The following CDH13 variants were observed in gnomAD, a reference collection of about 807,000 sequenced individuals.
CDH13 encodes cadherin-13.
Under a neutral mutation model 63.8 loss-of-function variants are expected in CDH13, and 24 were observed. The ratio of observed to expected loss-of-function variants is 0.38; its 90% CI spans 0.27 to 0.53. The LOEUF is 0.53. Ranked by LOEUF, CDH13 falls within the 20% of genes least tolerant of loss-of-function variation. The pLI is 0.85. For synonymous variants in CDH13, 503 were observed against 355.3 expected, an observed-to-expected ratio of 1.42 and a Z score of -4.67; for missense variants, 1,049 against 903.1, an observed-to-expected ratio of 1.16 and a Z score of -2.07.
chr16:83,383,230 A>G (rs1654694998), intron 6 of CDH13: 2 of 152,208 alleles, frequency 1.3e-5, no homozygotes, highest in African/African-American at 4.8e-5. Flanking sequence ...AAATGATGCC[A>G]TGTTATCAGT....
intron 6 of CDH13, among the ~76,000 whole-genome samples, chr16:83,408,784 G>C (rs1202151452): frequency 6.6e-6 from 1 of 152,186 alleles, no homozygotes; most frequent in Non-Finnish European, 1.5e-5. Flanking sequence ...GATGGTGGCT[G>C]CTCATGTTGT....
At chr16:83,775,947 C>A (rs1915081403) in intron 11 of CDH13, among the ~76,000 whole-genome samples, 3 of 152,004 alleles carry the variant, frequency 2.0e-5, no homozygotes, top group Non-Finnish European at 4.4e-5. Flanking sequence ...ATGATTGGAG[C>A]CAAATGGGCT....
chr16:82,759,677 C>T (rs1183652820), intron 1 of CDH13, among the ~76,000 whole-genome samples: 7 of 151,852 alleles, frequency 4.6e-5, no homozygotes, highest in African/African-American at 9.6e-5. Flanking sequence ...TAACAAGAAG[C>T]GGCAATTAAA....
At chr16:83,045,335 GTC>G (rs2151494133) in intron 3 of CDH13, among the ~76,000 whole-genome samples, 1 of 152,208 alleles carries the variant, frequency 6.6e-6, no homozygotes, top group East Asian at 1.9e-4. Flanking sequence ...TGTCTGCCAA[GTC>G]TCTCTGTAAG....
chr16:83,030,080 C>G (rs953297982), intron 2 of CDH13, among the ~76,000 whole-genome samples: 2 of 152,184 alleles, frequency 1.3e-5, no homozygotes, highest in African/African-American at 2.4e-5. Flanking sequence ...GTCACAGCCT[C>G]TGCTTGTGTC....
chr16:83,223,425 C>T (rs551470455), intron 5 of CDH13, among the ~76,000 whole-genome samples: 1 of 152,358 alleles, frequency 6.6e-6, no homozygotes, highest in Non-Finnish European at 1.5e-5. Flanking sequence ...AGGGCCCCAC[C>T]TCCCAGCACC....
intron 2 of CDH13, among the ~76,000 whole-genome samples, chr16:82,972,913 C>A (rs991121150): frequency 1.1e-4 from 17 of 152,118 alleles, no homozygotes; most frequent in Non-Finnish European, 2.5e-4. Flanking sequence ...TTTTAATGAA[C>A]CCTCGTAGGC....
intron 2 of CDH13, among the ~76,000 whole-genome samples, chr16:82,930,284 T>C (rs1205311078): frequency 2.6e-5 from 4 of 152,118 alleles, no homozygotes; most frequent in Non-Finnish European, 5.9e-5. Context: ...GCCTGTTCTT[T>C]ATGTAAATGG....
intron 6 of CDH13, among the ~76,000 whole-genome samples, chr16:83,384,404 A>C (rs1316317184): frequency 2.6e-5 from 4 of 152,172 alleles, no homozygotes; most frequent in Non-Finnish European, 4.4e-5. Context: ...AAAGAAGGAA[A>C]TAGACTACCG....
intron 2 of CDH13, among the ~76,000 whole-genome samples, chr16:82,957,663 G>A (rs893519009): frequency 6.6e-6 from 1 of 152,200 alleles, no homozygotes; most frequent in Non-Finnish European, 1.5e-5. Flanking sequence ...AGGTCTGGAT[G>A]CATAATCACT....
intron 1 of CDH13, among the ~76,000 whole-genome samples, chr16:82,836,701 C>T (rs906119044): frequency 3.9e-5 from 6 of 152,142 alleles, no homozygotes; most frequent in African/African-American, 9.7e-5. Flanking sequence ...CTGCTGATGC[C>T]GACTTCCTGC....
In CDH13 at chr16:83,687,310, T is replaced by A. The variant is rs193214906; in HGVS notation, c.1538+8849T>A. ...TAATTTATAAAGAAAATGATTTAAT[T>A]GTCTCATGGCTCTGCAGGCTATATA... On this transcript the variant is annotated intron_variant, in intron 10 of 13. Transcript: ENST00000567109. Among the ~76,000 whole-genome samples the A allele has an allele frequency of 1.8e-3, 274 of 152,274 alleles. 2 individuals carry two copies. The highest frequency in any genetic ancestry group is 6.1e-3 in the African/African-American group (253 of 41,546).
In CDH13 at chr16:83,780,084, A is replaced by C. The variant is rs563893474; in HGVS notation, c.1798A>C (p.Ser600Arg). 1.2e-6 allele frequency: 2 copies of C among 1,613,922 alleles called. No homozygotes were observed. Among genetic ancestry groups the C allele is most frequent in the Admixed American group, 3.3e-5 (2 of 60,004 alleles). The change falls in exon 12 of 14, where the codon AGT becomes CGT. Residue 600 changes from serine to arginine, a missense_variant. Physicochemically the swap from Ser to Arg is moderately radical, Grantham distance 110. Coordinates refer to ENST00000567109, the MANE Select transcript of CDH13 (RefSeq NM_001257.5). The part of the protein sequence containing the change: ...AEVCDDAKNL[S>R]VVILGASDKD... ...AGTCTGTGATGATGCCAAAAACCTC[A>C]GTGTAGTCATTTTGGGAGCATCAGA... is the stretch of plus-strand genomic sequence containing the variant.
At chr16:83,132,332 C>G (rs1038915895) in intron 4 of CDH13, among the ~76,000 whole-genome samples, 2 of 151,856 alleles carry the variant, frequency 1.3e-5, no homozygotes, top group African/African-American at 4.8e-5. Context: ...TGCTGTCATC[C>G]CTCTACCTCT....
chr16:83,467,814 G>A (rs924830233), intron 6 of CDH13, among the ~76,000 whole-genome samples: 3 of 152,132 alleles, frequency 2.0e-5, no homozygotes, highest in Non-Finnish European at 4.4e-5. Context: ...AACCAAACAA[G>A]GACAATAATG....
chr16:83,326,381 A>T (rs956354841), intron 5 of CDH13, among the ~76,000 whole-genome samples: 1 of 151,048 alleles, frequency 6.6e-6, no homozygotes, highest in Non-Finnish European at 1.5e-5. Flanking sequence ...TTGGAGAAAC[A>T]TCATTGTCCT....
At chr16:82,917,284 T>C (rs1482171573) in intron 2 of CDH13, among the ~76,000 whole-genome samples, 1 of 152,176 alleles carries the variant, frequency 6.6e-6, no homozygotes, top group Admixed American at 6.5e-5. Context: ...GTGGGTCCAA[T>C]GGAAGAACGC....
chr16:83,049,896 T>C (rs4396520), intron 3 of CDH13, among the ~76,000 whole-genome samples: 8 of 151,988 alleles, frequency 5.3e-5, no homozygotes, highest in Non-Finnish European at 8.8e-5. Context: ...ACAAGATTTA[T>C]GAGTTACATA....
chr16:82,753,515 C>G (rs2034499248), intron 1 of CDH13, among the ~76,000 whole-genome samples: 1 of 152,104 alleles, frequency 6.6e-6, no homozygotes, highest in African/African-American at 2.4e-5. Flanking sequence ...TACGTACTTC[C>G]TAGATATTGC....
Sources: gnomAD v4.1 joint callset for allele counts (sites outside exome capture counted in the v4.1 genomes callset) on GRCh38, gnomAD v4.1.1 for gene constraint, MANE v1.5 for transcripts, NCBI Gene and HGNC (gene_info 2026-07-23, HGNC 2026-07-21) for gene names.